The following STX8 variants were observed in gnomAD, a reference collection of about 807,000 sequenced individuals.
STX8 encodes the protein syntaxin-8.
A neutral mutation model predicts 37.5 loss-of-function variants in STX8; 23 were observed. That is an observed-to-expected ratio of 0.61 (90% CI 0.44 to 0.87). The LOEUF is 0.87. Ranked by LOEUF, STX8 falls within the 40% of genes least tolerant of loss-of-function variation. The probability of loss-of-function intolerance (pLI) is 0.00; values close to 1 mark genes in which losing one functional copy is unlikely to be tolerated. For synonymous variants in STX8, 115 were observed against 99.1 expected, an observed-to-expected ratio of 1.16 and a Z score of -0.95; for missense variants, 313 against 284.7, an observed-to-expected ratio of 1.10 and a Z score of -0.71.
At chr17:9,567,551 G>A (rs932729725) in intron 2 of STX8, among the ~76,000 whole-genome samples, 4 of 152,154 alleles carry the variant, frequency 2.6e-5, no homozygotes, top group African/African-American at 9.7e-5. Flanking sequence ...AGGAAGAAAG[G>A]TGTGGTGTTA....
At chr17:9,368,243 G>A (rs946305910) in intron 7 of STX8, among the ~76,000 whole-genome samples, 10 of 152,080 alleles carry the variant, frequency 6.6e-5, no homozygotes, top group East Asian at 1.9e-4. Context: ...GGTGGCTCAC[G>A]CCTGTAATCC....
intron 6 of STX8, among the ~76,000 whole-genome samples, chr17:9,485,465 G>C (rs929389796): frequency 2.6e-5 from 4 of 152,192 alleles, no homozygotes; most frequent in African/African-American, 9.7e-5. Flanking sequence ...GTAAAAAAAT[G>C]TATGCCTGCT....
intron 6 of STX8, among the ~76,000 whole-genome samples, chr17:9,428,861 G>A (rs1477426632): frequency 6.6e-6 from 1 of 152,080 alleles, no homozygotes; most frequent in African/African-American, 2.4e-5. Context: ...GCTACAAGTG[G>A]CCTGTGGCTA....
At chr17:9,403,087 G>A (rs1366882039) in intron 6 of STX8, among the ~76,000 whole-genome samples, 3 of 152,070 alleles carry the variant, frequency 2.0e-5, no homozygotes, top group Non-Finnish European at 2.9e-5. Context: ...GGGATTTGGT[G>A]GTACAGGGAC....
intron 6 of STX8, among the ~76,000 whole-genome samples, chr17:9,386,418 G>T (rs1333196472): frequency 6.6e-6 from 1 of 152,136 alleles, no homozygotes; most frequent in Non-Finnish European, 1.5e-5. Context: ...TGCCTCTGGG[G>T]TGCTTGACTA....
chr17:9,459,453 C>T (rs956429351), intron 6 of STX8, among the ~76,000 whole-genome samples: 2 of 152,228 alleles, frequency 1.3e-5, no homozygotes, highest in Admixed American at 1.3e-4. Flanking sequence ...AGAACTGCTG[C>T]TGCCAGGGTG....
At chr17:9,414,029 T>TCCAA (rs1244601503) in intron 6 of STX8, among the ~76,000 whole-genome samples, 1 of 138,136 alleles carries the variant, frequency 7.2e-6, no homozygotes, top group Non-Finnish European at 1.6e-5. Context: ...CATCCATCCA[T>TCCAA]CCAACCATCT....
At chr17:9,345,425 C>G (rs2142237384) in intron 7 of STX8, among the ~76,000 whole-genome samples, 1 of 152,310 alleles carries the variant, frequency 6.6e-6, no homozygotes, top group East Asian at 1.9e-4. Flanking sequence ...GCTGGGATTA[C>G]AGGTGTGAGC....
chr17:9,377,434 A>T (rs1234926580), intron 7 of STX8, among the ~76,000 whole-genome samples: 1 of 151,976 alleles, frequency 6.6e-6, no homozygotes, highest in Non-Finnish European at 1.5e-5. Context: ...CCAAGCAGCT[A>T]GGACTACAGG....
At chr17:9,316,629 A>G (rs1265927013) in intron 7 of STX8, among the ~76,000 whole-genome samples, 4 of 152,172 alleles carry the variant, frequency 2.6e-5, no homozygotes, top group Non-Finnish European at 4.4e-5. Flanking sequence ...TGCATCTCTT[A>G]TATCTGCCTG....
intron 6 of STX8, among the ~76,000 whole-genome samples, chr17:9,448,524 C>T (rs902701543): frequency 4.6e-4 from 47 of 102,308 alleles, no homozygotes; most frequent in Non-Finnish European, 7.7e-5. Context: ...TTCCTAAGCA[C>T]AAGAAGGCTG....
chr17:9,428,693 T>C (rs1913731575), intron 6 of STX8, among the ~76,000 whole-genome samples: 1 of 152,210 alleles, frequency 6.6e-6, no homozygotes, highest in Non-Finnish European at 1.5e-5. Context: ...TTTAACCCAA[T>C]ATAGCCAAAT....
chr17:9,519,331 A>T (rs1404141847), intron 4 of STX8, among the ~76,000 whole-genome samples: 1 of 152,068 alleles, frequency 6.6e-6, no homozygotes, highest in Non-Finnish European at 1.5e-5. Flanking sequence ...TTTGGTGAGC[A>T]GCATCACTGT....
intron 7 of STX8, among the ~76,000 whole-genome samples, chr17:9,254,694 C>A (rs1190758204): frequency 6.6e-6 from 1 of 152,142 alleles, no homozygotes; most frequent in Admixed American, 6.5e-5. Context: ...CCGCGCCCGG[C>A]CTTGAATCAT....
At chr17:9,390,155 T>G (rs1912162065) in intron 6 of STX8, among the ~76,000 whole-genome samples, 1 of 152,146 alleles carries the variant, frequency 6.6e-6, no homozygotes, top group Admixed American at 6.5e-5. Context: ...TGGGCCAGGT[T>G]AGGCAAAAAA....
chr17:9,436,443 C>A (rs7209649), intron 6 of STX8, among the ~76,000 whole-genome samples: 27,020 of 151,754 alleles, frequency 0.18, 2,958 homozygotes, highest in Middle Eastern at 0.28. Flanking sequence ...GAAGTGGGCA[C>A]GTAGAATGGG....
intron 6 of STX8, among the ~76,000 whole-genome samples, chr17:9,400,992 G>C (rs1912597970): frequency 6.6e-6 from 1 of 152,030 alleles, no homozygotes; most frequent in South Asian, 2.1e-4. Context: ...CGAACTAGTA[G>C]AACTCTGCTC....
rs116082790 is a variant in STX8 at position 9,281,306 on chromosome 17, C to T, written c.644-30661G>A. Among the ~76,000 whole-genome samples, 528 of 152,114 alleles carry T rather than the reference C, an allele frequency of 3.5e-3. 3 individuals are homozygous for T. Among genetic ancestry groups the T allele is most frequent in the African/African-American group, 0.012 (492 of 41,490 alleles). On this transcript the variant is annotated intron_variant, in intron 7 of 7. Coordinates refer to ENST00000306357, the MANE Select transcript of STX8 (RefSeq NM_004853.3). ...GGAATTGGTGAAAACTGGCATCGGA[C>T]GAGATGTAGGGGCTGAGCAGAAGCA... is the stretch of plus-strand genomic sequence containing the variant.
At chr17:9,556,943 A>C (rs1907005167) in intron 3 of STX8, 1 of 153,054 alleles carries the variant, frequency 6.5e-6, no homozygotes, top group Admixed American at 6.4e-5. Flanking sequence ...AAAATAAGGC[A>C]CATCTCAAAT....
Sources: gnomAD v4.1 joint callset for allele counts (sites outside exome capture counted in the v4.1 genomes callset) on GRCh38, gnomAD v4.1.1 for gene constraint, MANE v1.5 for transcripts, NCBI Gene and HGNC (gene_info 2026-07-23, HGNC 2026-07-21) for gene names.